Variants in TAFA1 observed in about 807,000 individuals in gnomAD.
The protein encoded by TAFA1 is TAFA chemokine like family member 1.
Under a neutral mutation model 18.5 loss-of-function variants are expected in TAFA1, and 4 were observed. The ratio of observed to expected loss-of-function variants is 0.22; its 90% CI spans 0.11 to 0.49. The LOEUF (loss-of-function observed/expected upper bound fraction) is 0.49, where lower values mean the gene tolerates loss of function less well. TAFA1 is among the 20% of genes least tolerant of loss of function. The pLI, the probability that TAFA1 is intolerant of heterozygous loss-of-function variation, is 0.98. For missense variants in TAFA1, 147 were observed against 169.0 expected (o/e 0.87, Z 0.72); for synonymous variants, 56 against 55.2 (o/e 1.01, Z -0.06).
intron 2 of TAFA1, among the ~76,000 whole-genome samples, chr3:68,300,773 G>C (rs113427102): frequency 6.6e-6 from 1 of 152,148 alleles, no homozygotes; most frequent in Non-Finnish European, 1.5e-5. Flanking sequence ...GAGATAGTGA[G>C]TTCTCACAAG....
At chr3:68,073,712 T>C (rs1487539253) in intron 2 of TAFA1, among the ~76,000 whole-genome samples, 1 of 152,034 alleles carries the variant, frequency 6.6e-6, no homozygotes, top group Non-Finnish European at 1.5e-5. Context: ...GTGGTGAGAG[T>C]AGCACAGCAG....
At position 68,375,818 on chromosome 3, in the gene TAFA1, T is replaced by G. The variant is rs114510257; in HGVS notation, c.119-41462T>G. ...ATAGCCTATTTTTTGTATGTGCATA[T>G]ATAAATATCCCACAGAGGCTTCTAA... On this transcript the variant is annotated intron_variant, in intron 2 of 4. Transcript: ENST00000478136. 1.9e-3 allele frequency among the ~76,000 whole-genome samples: 295 copies of G among 152,330 alleles called. 1 individual carries two copies. Among genetic ancestry groups the G allele is most frequent in the African/African-American group, 6.8e-3 (283 of 41,594 alleles).
chr3:68,496,296 C>T (rs945135104), intron 3 of TAFA1, among the ~76,000 whole-genome samples: 1 of 152,150 alleles, frequency 6.6e-6, no homozygotes, highest in Non-Finnish European at 1.5e-5. Flanking sequence ...TCCCCTTCAA[C>T]CTGGGCTGTC....
intron 3 of TAFA1, among the ~76,000 whole-genome samples, chr3:68,515,519 G>C (rs2106738512): frequency 6.6e-6 from 1 of 152,220 alleles, no homozygotes; most frequent in Non-Finnish European, 1.5e-5. Flanking sequence ...CTCCCCAAAG[G>C]AAAATTAAAG....
intron 2 of TAFA1, among the ~76,000 whole-genome samples, chr3:68,343,986 G>A (rs1005622945): frequency 1.3e-5 from 2 of 152,112 alleles, no homozygotes; most frequent in Non-Finnish European, 2.9e-5. Flanking sequence ...TGGGATTACA[G>A]GCATGCGCCA....
At chr3:68,353,870 C>T (rs9824696) in intron 2 of TAFA1, among the ~76,000 whole-genome samples, 2,061 of 152,058 alleles carry the variant, frequency 0.014, 49 homozygotes, top group African/African-American at 0.047. Context: ...ATTAATCAAC[C>T]CCAGTCTGAG....
intron 2 of TAFA1, among the ~76,000 whole-genome samples, chr3:68,073,680 C>G (rs1421099762): frequency 6.6e-6 from 1 of 151,400 alleles, no homozygotes; most frequent in Non-Finnish European, 1.5e-5. Flanking sequence ...TTTTTTTTCT[C>G]CAATGTATAT....
intron 2 of TAFA1, among the ~76,000 whole-genome samples, chr3:68,044,701 G>A (rs1230310052): frequency 1.3e-5 from 2 of 152,190 alleles, no homozygotes; most frequent in Non-Finnish European, 2.9e-5. Flanking sequence ...AATGAACATG[G>A]AATTTTAGAA....
chr3:68,292,807 T>C (rs2068134652), intron 2 of TAFA1, among the ~76,000 whole-genome samples: 1 of 152,176 alleles, frequency 6.6e-6, no homozygotes, highest in South Asian at 2.1e-4. Context: ...CCTCCCAAAA[T>C]GCTGGGATTA....
At chr3:68,521,750 A>T (rs2106752076) in intron 3 of TAFA1, among the ~76,000 whole-genome samples, 1 of 151,886 alleles carries the variant, frequency 6.6e-6, no homozygotes, top group East Asian at 2.0e-4. Context: ...CTCATAAGGG[A>T]TAGGGAAGGA....
At chr3:68,235,608 T>C (rs777322399) in intron 2 of TAFA1, among the ~76,000 whole-genome samples, 3 of 152,186 alleles carry the variant, frequency 2.0e-5, no homozygotes, top group Non-Finnish European at 4.4e-5. Flanking sequence ...CATTTTTTTC[T>C]CTGGAGGAGT....
At chr3:68,470,533 T>C (rs1350388320) in intron 3 of TAFA1, among the ~76,000 whole-genome samples, 1 of 152,152 alleles carries the variant, frequency 6.6e-6, no homozygotes, top group African/African-American at 2.4e-5. Context: ...GACATTAAAG[T>C]TCAGGAGATG....
intron 2 of TAFA1, among the ~76,000 whole-genome samples, chr3:68,178,169 C>G (rs998627464): frequency 6.6e-6 from 1 of 151,908 alleles, no homozygotes; most frequent in African/African-American, 2.4e-5. Context: ...AAATACATGA[C>G]CCTGCAAAGC....
chr3:68,250,455 G>C (rs755341501), intron 2 of TAFA1, among the ~76,000 whole-genome samples: 1 of 152,128 alleles, frequency 6.6e-6, no homozygotes, highest in Non-Finnish European at 1.5e-5. Flanking sequence ...GATTACTCCT[G>C]GCTCAGCCTG....
chr3:68,124,020 G>A (rs2065435147), intron 2 of TAFA1, among the ~76,000 whole-genome samples: 1 of 151,756 alleles, frequency 6.6e-6, no homozygotes, highest in Non-Finnish European at 1.5e-5. Flanking sequence ...ACTATGTTAG[G>A]TGTGAGGGTC....
chr3:68,297,643 ATAT>A (rs1559605095), intron 2 of TAFA1, among the ~76,000 whole-genome samples: 4 of 152,182 alleles, frequency 2.6e-5, no homozygotes, highest in African/African-American at 9.6e-5. Flanking sequence ...GAAGTAGATA[ATAT>A]TATTGGTCAT....
At chr3:68,128,915 A>G (rs1386857889) in intron 2 of TAFA1, among the ~76,000 whole-genome samples, 1 of 152,228 alleles carries the variant, frequency 6.6e-6, no homozygotes, top group Non-Finnish European at 1.5e-5. Flanking sequence ...TTCAGCTTTT[A>G]TCCTCTGTCA....
chr3:68,348,381 C>T (rs2069202405), intron 2 of TAFA1, among the ~76,000 whole-genome samples: 1 of 152,116 alleles, frequency 6.6e-6, no homozygotes, highest in South Asian at 2.1e-4. Context: ...AGCCAGAGTA[C>T]ACAGTCACAT....
rs146648298 is a variant in TAFA1, at chr3:68,283,257, G to T, written c.119-134023G>T. Among the ~76,000 whole-genome samples, 459 of 152,152 alleles carry T rather than the reference G, an allele frequency of 3.0e-3. 3 individuals carry two copies. The highest frequency in any genetic ancestry group is 0.011 in the African/African-American group (438 of 41,522). ...GATAACTATGTTAAAATGCAAAGGG[G>T]GCAAGAGCCCTGAATCTGCATATGA... On this transcript the variant is annotated intron_variant, in intron 2 of 4. Coordinates refer to ENST00000478136, the MANE Select transcript of TAFA1 (RefSeq NM_213609.4).
Sources: gnomAD v4.1 joint callset for allele counts (sites outside exome capture counted in the v4.1 genomes callset) on GRCh38, gnomAD v4.1.1 for gene constraint, MANE v1.5 for transcripts, NCBI Gene and HGNC (gene_info 2026-07-23, HGNC 2026-07-21) for gene names.